DPP10: variants seen among roughly 807,000 people sequenced by gnomAD.
DPP10 encodes the protein dipeptidyl peptidase like 10, also known as inactive dipeptidyl peptidase 10.
A neutral mutation model predicts 120.9 loss-of-function variants in DPP10; 33 were observed. That is an observed-to-expected ratio of 0.27 (90% CI 0.21 to 0.37). The LOEUF (loss-of-function observed/expected upper bound fraction) is 0.37, where lower values mean the gene tolerates loss of function less well. DPP10 is among the 10% of genes least tolerant of loss of function. DPP10 has a pLI of 1.00. For missense variants in DPP10, 816 were observed against 942.8 expected (o/e 0.87, Z 1.76); for synonymous variants, 337 against 326.1 (o/e 1.03, Z -0.36).
chr2:114,768,903 G>A (rs1040203645), intron 1 of DPP10, among the ~76,000 whole-genome samples: 2 of 152,114 alleles, frequency 1.3e-5, no homozygotes, highest in African/African-American at 4.8e-5. Context: ...TAGGGCAGGG[G>A]CTATGAGATG....
chr2:114,847,853 G>C (rs970978096), intron 1 of DPP10, among the ~76,000 whole-genome samples: 2 of 152,090 alleles, frequency 1.3e-5, no homozygotes, highest in African/African-American at 4.8e-5. Context: ...ACTGAATAAT[G>C]GTTCAGGCAA....
At chr2:114,479,437 T>C (rs527613611) in intron 1 of DPP10, among the ~76,000 whole-genome samples, 1 of 151,960 alleles carries the variant, frequency 6.6e-6, no homozygotes, top group South Asian at 2.1e-4. Flanking sequence ...TATTCAAATA[T>C]GCCAAACTGA....
At chr2:115,539,526 A>T (rs1289003942) in intron 5 of DPP10, among the ~76,000 whole-genome samples, 6 of 151,970 alleles carry the variant, frequency 3.9e-5, no homozygotes, top group African/African-American at 1.2e-4. Flanking sequence ...AGTTATGTTG[A>T]AATAGTTAAA....
chr2:115,374,554 C>T (rs1340352059), intron 3 of DPP10, among the ~76,000 whole-genome samples: 1 of 152,238 alleles, frequency 6.6e-6, no homozygotes, highest in Non-Finnish European at 1.5e-5. Context: ...CCAGTGGAGA[C>T]TGTATGGGTG....
chr2:114,674,988 T>C (rs1193168276), intron 1 of DPP10, among the ~76,000 whole-genome samples: 1 of 152,218 alleles, frequency 6.6e-6, no homozygotes, highest in African/African-American at 2.4e-5. Context: ...GTGTAACCCT[T>C]CACTTCATGG....
chr2:115,239,902 T>G (rs2058190203), intron 1 of DPP10, among the ~76,000 whole-genome samples: 1 of 152,212 alleles, frequency 6.6e-6, no homozygotes, highest in Admixed American at 6.5e-5. Context: ...GGTTTCCAGC[T>G]TCATCTGTGT....
intron 1 of DPP10, among the ~76,000 whole-genome samples, chr2:114,621,679 T>G (rs1468675744): frequency 6.6e-6 from 1 of 151,964 alleles, no homozygotes; most frequent in Non-Finnish European, 1.5e-5. Flanking sequence ...CAAAATGACA[T>G]GAAACCTCTC....
At chr2:114,792,065 T>A (rs1361250904) in intron 1 of DPP10, among the ~76,000 whole-genome samples, 1 of 152,218 alleles carries the variant, frequency 6.6e-6, no homozygotes, top group Non-Finnish European at 1.5e-5. Context: ...CCTGTTTCCT[T>A]GGAATTTTAG....
At chr2:114,542,383 T>C (rs1045288457) in intron 1 of DPP10, among the ~76,000 whole-genome samples, 4 of 152,082 alleles carry the variant, frequency 2.6e-5, no homozygotes, top group Non-Finnish European at 4.4e-5. Context: ...CACTCCTTAT[T>C]TGGTGGGGAA....
At chr2:114,553,597 T>C (rs1232198448) in intron 1 of DPP10, among the ~76,000 whole-genome samples, 2 of 152,162 alleles carry the variant, frequency 1.3e-5, no homozygotes, top group African/African-American at 4.8e-5. Context: ...AGAGATGAGT[T>C]AAAGTGATAA....
chr2:114,939,269 GA>G (rs1360174080), intron 1 of DPP10, among the ~76,000 whole-genome samples: 4 of 151,904 alleles, frequency 2.6e-5, no homozygotes, highest in Non-Finnish European at 5.9e-5. Context: ...AGCAGGTGTT[GA>G]AAGGGGGGGG....
At chr2:115,026,365 C>A (rs6759723) in intron 1 of DPP10, among the ~76,000 whole-genome samples, 78,963 of 151,728 alleles carry the variant, frequency 0.52, 21,594 homozygotes, top group East Asian at 0.64. Flanking sequence ...TTATTCTGTT[C>A]CATTGGTCTA....
intron 1 of DPP10, among the ~76,000 whole-genome samples, chr2:114,662,330 G>T (rs932648099): frequency 6.6e-6 from 1 of 152,180 alleles, no homozygotes; most frequent in African/African-American, 2.4e-5. Flanking sequence ...GCCTCCCTGC[G>T]GGGGCGCGGG....
intron 1 of DPP10, among the ~76,000 whole-genome samples, chr2:114,896,515 C>G (rs1693015783): frequency 6.6e-6 from 1 of 151,836 alleles, no homozygotes; most frequent in Non-Finnish European, 1.5e-5. Context: ...TGGGAGTTCA[C>G]TCATGATTTG....
chr2:115,343,029 A>C (rs2063526455), intron 2 of DPP10, among the ~76,000 whole-genome samples: 1 of 152,208 alleles, frequency 6.6e-6, no homozygotes, highest in East Asian at 1.9e-4. Flanking sequence ...GAAAGGTCAC[A>C]AAGATGAATT....
intron 1 of DPP10, among the ~76,000 whole-genome samples, chr2:114,866,687 A>G (rs1690262891): frequency 6.6e-6 from 1 of 152,222 alleles, no homozygotes; most frequent in Admixed American, 6.5e-5. Context: ...ATAAAATGCA[A>G]TGCTTGTGCT....
intron 1 of DPP10, among the ~76,000 whole-genome samples, chr2:114,714,301 A>T (rs1446371404): frequency 6.6e-6 from 1 of 152,214 alleles, no homozygotes; most frequent in East Asian, 1.9e-4. Context: ...CTTCCCAAAA[A>T]GTAGAAATTA....
intron 1 of DPP10, among the ~76,000 whole-genome samples, chr2:114,623,822 C>T (rs925054503): frequency 6.6e-6 from 1 of 151,976 alleles, no homozygotes; most frequent in African/African-American, 2.4e-5. Flanking sequence ...TCTGAATTAT[C>T]AAAATTAGTA....
intron 9 of DPP10, 148 bp downstream of exon 9, chr2:115,740,041 G>A (rs990286025): frequency 1.2e-6 from 1 of 822,794 alleles, no homozygotes; most frequent in Non-Finnish European, 1.9e-6. Flanking sequence ...CGATCTCCCA[G>A]TAGTCTATAC....
Sources: gnomAD v4.1 joint callset for allele counts (sites outside exome capture counted in the v4.1 genomes callset) on GRCh38, gnomAD v4.1.1 for gene constraint, MANE v1.5 for transcripts, NCBI Gene and HGNC (gene_info 2026-07-23, HGNC 2026-07-21) for gene names.